The following MICU1 variants were observed in gnomAD, a reference collection of about 807,000 sequenced individuals.
MICU1 encodes the protein mitochondrial calcium uptake 1.
MICU1 carries 45 observed loss-of-function variants against 56.8 expected under a neutral mutation model. The observed-to-expected ratio is 0.79, with a 90% CI of 0.62 to 1.02. The LOEUF is 1.02. Among genes scored for constraint, MICU1 ranks in the 50% least tolerant of loss-of-function variants. The pLI is 0.00. For missense variants in MICU1, 504 were observed against 587.1 expected (o/e 0.86, Z 1.46); for synonymous variants, 186 against 195.1 (o/e 0.95, Z 0.39).
chr10:72,486,992 A>G (rs1866495659), intron 6 of MICU1, among the ~76,000 whole-genome samples: 1 of 152,218 alleles, frequency 6.6e-6, no homozygotes, highest in Non-Finnish European at 1.5e-5. Flanking sequence ...AAATTCTGCT[A>G]AAATCGAAGC....
chr10:72,389,034 G>A (rs1434912117), intron 10 of MICU1, among the ~76,000 whole-genome samples: 1 of 152,238 alleles, frequency 6.6e-6, no homozygotes, highest in Non-Finnish European at 1.5e-5. Context: ...ACTAAGCATT[G>A]TGCCTGGCAC....
chr10:72,539,313 C>G (rs1032687614), intron 4 of MICU1, among the ~76,000 whole-genome samples: 1 of 152,166 alleles, frequency 6.6e-6, no homozygotes, highest in Non-Finnish European at 1.5e-5. Context: ...TACATGAACA[C>G]TTCTCCAGGA....
chr10:72,601,082 C>A (rs944990208), intron 1 of MICU1, among the ~76,000 whole-genome samples: 2 of 151,972 alleles, frequency 1.3e-5, no homozygotes, highest in African/African-American at 2.4e-5. Context: ...CTTTTTGGAC[C>A]TGGATGATGG....
intron 9 of MICU1, among the ~76,000 whole-genome samples, chr10:72,420,692 T>C (rs1168632284): frequency 6.6e-6 from 1 of 151,216 alleles, no homozygotes; most frequent in Non-Finnish European, 1.5e-5. Flanking sequence ...TTTTTTTTTT[T>C]AAGACAAGGT....
At chr10:72,574,532 T>C (rs1840693872) in intron 1 of MICU1, among the ~76,000 whole-genome samples, 1 of 151,438 alleles carries the variant, frequency 6.6e-6, no homozygotes, top group Admixed American at 6.6e-5. Context: ...AAAAATAAAA[T>C]AAAATAAAAA....
intron 6 of MICU1, chr10:72,477,707 G>C: frequency 1.6e-6 from 1 of 633,940 alleles, no homozygotes; most frequent in Non-Finnish European, 2.7e-6. Context: ...TTTCTACTTT[G>C]TTCTTTCTAG....
rs575719880 is a variant in MICU1 at position 72,412,434 on chromosome 10, G to C, written c.1072-4397C>G. Among the ~76,000 whole-genome samples the C allele has an allele frequency of 9.2e-5, 14 of 152,286 alleles. No homozygotes were observed. In the East Asian group the frequency reaches 2.7e-3, roughly 29 times the overall value. On this transcript the variant is annotated intron_variant, in intron 9 of 11. Coordinates refer to ENST00000361114, the MANE Select transcript of MICU1 (RefSeq NM_001195518.2). Reference sequence around the variant, plus strand: ...GACTTATATAAACCGGGCTCTAGGTGACTATAAAAAGAAGATAAGATTAAT... The same window carrying C: ...GACTTATATAAACCGGGCTCTAGGTCACTATAAAAAGAAGATAAGATTAAT...
At chr10:72,569,992 C>G (rs997611145) in intron 1 of MICU1, among the ~76,000 whole-genome samples, 1 of 152,172 alleles carries the variant, frequency 6.6e-6, no homozygotes, top group African/African-American at 2.4e-5. Context: ...GTCGCCAAGG[C>G]TGGAGTACAG....
intron 6 of MICU1, among the ~76,000 whole-genome samples, chr10:72,486,916 G>T (rs1156911695): frequency 6.6e-6 from 1 of 152,150 alleles, no homozygotes; most frequent in Non-Finnish European, 1.5e-5. Context: ...GTCTGAACAG[G>T]ATCTAATTTG....
rs1250710380 is a variant in MICU1, at chr10:72,448,189, A to ATT, written c.934-24819_934-24818insAA. On this transcript the variant is annotated intron_variant, in intron 8 of 11. Coordinates refer to ENST00000361114, the MANE Select transcript of MICU1 (RefSeq NM_001195518.2). ...TATGTGTGTGTATATATATATATAT[A>ATT]TATATTTTTTTTTTTTTTTTTTTTT... Among the ~76,000 whole-genome samples the ATT allele has an allele frequency of 2.0e-3, 113 of 55,308 alleles. 1 individual carries two copies. Among genetic ancestry groups the ATT allele is most frequent in the African/African-American group, 5.2e-3 (94 of 18,072 alleles). 36.3% of individuals were successfully genotyped at this position (55,308 alleles called of 152,430 possible). A position where few individuals can be genotyped will look rare whatever the true frequency, so the allele number is the denominator to read the frequency against.
intron 4 of MICU1, among the ~76,000 whole-genome samples, chr10:72,539,223 T>C (rs962560992): frequency 1.3e-5 from 2 of 152,164 alleles, no homozygotes; most frequent in Admixed American, 6.5e-5. Flanking sequence ...ATTTAAACTG[T>C]ACTCTGGACC....
intron 5 of MICU1, among the ~76,000 whole-genome samples, chr10:72,516,243 G>A (rs148283085): frequency 4.5e-4 from 69 of 152,242 alleles, no homozygotes; most frequent in African/African-American, 1.5e-3. Context: ...CTTCTTTTGA[G>A]AAGTGTCTGT....
rs144285930 is a variant in MICU1 at position 72,569,932 on chromosome 10, C to T, written c.-1-3138G>A. Among the ~76,000 whole-genome samples, 187 of 152,132 alleles carry T rather than the reference C, an allele frequency of 1.2e-3. 1 individual carries two copies. Among genetic ancestry groups the T allele is most frequent in the African/African-American group, 4.0e-3 (168 of 41,520 alleles). On this transcript the variant is annotated intron_variant, in intron 1 of 11. Transcript: ENST00000361114. Reference sequence around the variant, plus strand: ...CTTTGATTTTTCTCAAAGCACAGTTCACTGATTCCTAAATTTTTGTGTGTG... The same window carrying T: ...CTTTGATTTTTCTCAAAGCACAGTTTACTGATTCCTAAATTTTTGTGTGTG...
At chr10:72,605,963 T>G (rs556090501) in intron 1 of MICU1, among the ~76,000 whole-genome samples, 1 of 151,686 alleles carries the variant, frequency 6.6e-6, no homozygotes, top group South Asian at 2.1e-4. Context: ...AAACCCTATC[T>G]CTACTAAAAA....
chr10:72,510,473 T>C (rs538876548), intron 5 of MICU1, among the ~76,000 whole-genome samples: 4 of 152,258 alleles, frequency 2.6e-5, no homozygotes, highest in Admixed American at 6.5e-5. Context: ...CATTCTCTAA[T>C]GGTCACAATC....
At chr10:72,497,455 GA>G (rs760566625) in intron 6 of MICU1, among the ~76,000 whole-genome samples, 11 of 152,150 alleles carry the variant, frequency 7.2e-5, no homozygotes, top group Non-Finnish European at 1.5e-4. Flanking sequence ...GGGTTTAAAT[GA>G]AAGGTCCAGC....
Position 72,562,107 on chromosome 10 carries a change from C to T in MICU1, c.330+788G>A, listed in dbSNP as rs1840311590. Among the ~76,000 whole-genome samples the T allele has an allele frequency of 2.0e-5, 3 of 147,066 alleles. No homozygotes were observed. The South Asian group carries it at 6.4e-4, about 31-fold the overall frequency. ...TAGTGGAACTGAAACTTCGCTGAGG[C>T]AAAGCTACATAACAGCAGGTTGTGT... is the stretch of plus-strand genomic sequence containing the variant. On this transcript the variant is annotated intron_variant, in intron 3 of 11. Transcript: ENST00000361114.
chr10:72,579,274 A>G (rs1840835347), intron 1 of MICU1, among the ~76,000 whole-genome samples: 1 of 152,190 alleles, frequency 6.6e-6, no homozygotes, highest in African/African-American at 2.4e-5. Flanking sequence ...CGGGGAGTCC[A>G]AGATCAAGGC....
chr10:72,543,877 G>A (rs368765979), intron 4 of MICU1, among the ~76,000 whole-genome samples: 93 of 151,838 alleles, frequency 6.1e-4, no homozygotes, highest in African/African-American at 2.2e-3. Flanking sequence ...CTTAGGGTAA[G>A]GGAGGAGACC....
Sources: gnomAD v4.1 joint callset for allele counts (sites outside exome capture counted in the v4.1 genomes callset) on GRCh38, gnomAD v4.1.1 for gene constraint, MANE v1.5 for transcripts, NCBI Gene and HGNC (gene_info 2026-07-23, HGNC 2026-07-21) for gene names.